The following FER1L5 variants were observed in gnomAD, a reference collection of about 807,000 sequenced individuals.
FER1L5 encodes the protein fer-1 like family member 5, also known as fer-1-like protein 5.
In FER1L5, 187 loss-of-function variants were observed where a neutral mutation model predicts 279.9. The observed-to-expected ratio is 0.67, with a 90% CI of 0.59 to 0.75. The LOEUF is 0.75. FER1L5 is among the 30% of genes least tolerant of loss of function. The pLI, the probability that FER1L5 is intolerant of heterozygous loss-of-function variation, is 0.00. For missense variants in FER1L5, 2,091 were observed against 2,594.4 expected (o/e 0.81, Z 4.21); for synonymous variants, 921 against 989.7 (o/e 0.93, Z 1.30).
At chr2:96,676,372 G>A (rs1289689524) in intron 19 of FER1L5, among the ~76,000 whole-genome samples, 1 of 152,084 alleles carries the variant, frequency 6.6e-6, no homozygotes, top group Non-Finnish European at 1.5e-5. Context: ...TCTCCATGTT[G>A]ATCAGGCTGG....
chr2:96,667,553 G>T (rs969261449), intron 14 of FER1L5, among the ~76,000 whole-genome samples: 2 of 151,932 alleles, frequency 1.3e-5, no homozygotes, highest in East Asian at 1.9e-4. Context: ...CTCCATGTTG[G>T]CCAGGCTGAT....
In FER1L5 at chr2:96,694,545, C is replaced by T; in HGVS notation, c.3741+81C>T. 8.8e-7 allele frequency: 1 copy of T among 1,137,802 alleles called. No individual in the cohort carries two copies. The highest frequency in any genetic ancestry group is 1.2e-6 in the Non-Finnish European group (1 of 833,218). 70.5% of individuals were successfully genotyped at this position (1,137,802 alleles called of 1,614,324 possible). A position where few individuals can be genotyped will look rare whatever the true frequency, so the allele number is the denominator to read the frequency against. On this transcript the variant is annotated intron_variant, in intron 34 of 52. Transcript: ENST00000624922. The surrounding 1 kb of genome is among the most constrained non-coding windows in gnomAD (Gnocchi z 4.6). ...TGCGCTGCAGCCTTCTGCTGGTCCT[C>T]CCTGACTACTGGATCCAAAGCTCAC...
rs768666581 is a variant in FER1L5, at chr2:96,642,829, TCTC to T, written c.-6_-4del. 6.5e-7 allele frequency: 1 copy of T among 1,550,130 alleles called. No individual in the cohort carries two copies. Among genetic ancestry groups the T allele is most frequent in the South Asian group, 1.2e-5 (1 of 83,848 alleles). On this transcript the variant is annotated 5_prime_UTR_variant, in exon 1 of 53. Coordinates refer to ENST00000624922, the MANE Select transcript of FER1L5 (RefSeq NM_001293083.2). ...GTAGGGAAGGAGGGAAGAAAGTAGG[TCTC>T]CGAGATGCTGCGGCTTGTGGTGCAG...
At chr2:96,697,047 C>T (rs1194693565) in intron 37 of FER1L5, among the ~76,000 whole-genome samples, 7 of 152,208 alleles carry the variant, frequency 4.6e-5, no homozygotes, top group Non-Finnish European at 2.9e-5. Flanking sequence ...TTTTAAAACT[C>T]CTGAGGCCTA....
chr2:96,692,988 C>T (rs1487210165), intron 31 of FER1L5, among the ~76,000 whole-genome samples: 8 of 151,988 alleles, frequency 5.3e-5, no homozygotes, highest in East Asian at 1.9e-4. Context: ...CCAGCCTGGC[C>T]AACATGGTGA....
rs921022205 is a variant in FER1L5 at position 96,689,569 on chromosome 2, G to A, written c.2526-75G>A. The A allele has an allele frequency of 3.9e-5, 57 of 1,450,350 alleles. No homozygotes were observed. Among genetic ancestry groups the A allele is most frequent in the Admixed American group, 7.9e-5 (4 of 50,854 alleles). 89.8% of individuals were successfully genotyped at this position (1,450,350 alleles called of 1,614,324 possible). ...GGGATGGGATGCCAGGTATGGGAAC[G>A]CTTGGCCAGCAGAAGACGGCCCTAG... On this transcript the variant is annotated intron_variant, in intron 25 of 52. Transcript: ENST00000624922. The surrounding 1 kb of genome is among the most constrained non-coding windows in gnomAD (Gnocchi z 4.6).
chr2:96,696,585 T>C (rs566868198), intron 37 of FER1L5, among the ~76,000 whole-genome samples: 8 of 151,728 alleles, frequency 5.3e-5, no homozygotes, highest in African/African-American at 1.7e-4. Flanking sequence ...TGAGCCACCA[T>C]GCCCGGCCTT....
Position 96,696,081 on chromosome 2 carries a change from A to G in FER1L5, c.4083+4A>G, listed in dbSNP as rs1475548567. ...GTCTGAGAAGAAGCACCAAGACGTAAGTAAGGGCTGCAGGCCCACCTTCTC... is the reference window on the plus strand; with the variant it reads ...GTCTGAGAAGAAGCACCAAGACGTAGGTAAGGGCTGCAGGCCCACCTTCTC... On this transcript the variant is annotated splice_donor_region_variant and intron_variant, in intron 37 of 52. Coordinates refer to ENST00000624922, the MANE Select transcript of FER1L5 (RefSeq NM_001293083.2). 6.2e-7 allele frequency: 1 copy of G among 1,613,808 alleles called. No individual in the cohort carries two copies. Among genetic ancestry groups the G allele is most frequent in the South Asian group, 1.1e-5 (1 of 91,066 alleles).
At position 96,698,870 on chromosome 2, in the gene FER1L5, C is replaced by T. The variant is rs199579392; in HGVS notation, c.4518+38C>T. 234 of 1,551,044 alleles carry T rather than the reference C, an allele frequency of 1.5e-4. No individual in the cohort carries two copies. Among genetic ancestry groups the T allele is most frequent in the African/African-American group, 4.7e-4 (34 of 73,104 alleles). On this transcript the variant is annotated intron_variant, in intron 41 of 52. Coordinates refer to ENST00000624922, the MANE Select transcript of FER1L5 (RefSeq NM_001293083.2). The surrounding 1 kb of genome is among the most constrained non-coding windows in gnomAD (Gnocchi z 5.5). The stretch of plus-strand genomic sequence containing the variant: ...ACCTGCCCCACACAGGTGCCCCGCA[C>T]GCTCCCCTCAACCCATCTCTGGGAG...
chr2:96,667,766 G>C (rs2076178056), intron 14 of FER1L5, among the ~76,000 whole-genome samples: 1 of 152,258 alleles, frequency 6.6e-6, no homozygotes, highest in Non-Finnish European at 1.5e-5. Context: ...TGTGCATTCA[G>C]ACTGCGAGGG....
In FER1L5 at chr2:96,698,144, A is replaced by G. The variant is rs1558927365; in HGVS notation, c.4344A>G (p.Val1448=). ...QEQPKLDSPV[V]GEFKGLFRIY... ...AGCCCAAGTTGGACAGCCCCGTGGT[A>G]GGGGAGTTCAAGGTGTGTGTCCACC... The change falls in exon 40 of 53, where the codon GTA becomes GTG. Residue 1448 remains valine, a synonymous_variant. Transcript: ENST00000624922. This position sits in a 1 kb window ranked among gnomAD's most constrained non-coding sequence, Gnocchi z 5.5. 6.4e-6 allele frequency: 10 copies of G among 1,564,352 alleles called. No individual in the cohort carries two copies. The highest frequency in any genetic ancestry group is 8.7e-6 in the Non-Finnish European group (10 of 1,154,374).
intron 39 of FER1L5, 70 bp from the exon 40 acceptor site, chr2:96,697,967 G>C: frequency 6.6e-7 from 1 of 1,518,092 alleles, no homozygotes; most frequent in Non-Finnish European, 8.9e-7. Context: ...AGACCTGGGA[G>C]CTGGTGGTCC....
chr2:96,693,968 C>T lies in FER1L5; in HGVS notation c.3532C>T (p.Gln1178Ter). 6.4e-7 allele frequency: 1 copy of T among 1,551,626 alleles called. No homozygotes were observed. Residue 1178 changes from glutamine to a stop codon, truncating the protein, a stop_gained, in exon 33 of 53, where the codon CAG (glutamine) becomes TAG (stop). Coordinates refer to ENST00000624922, the MANE Select transcript of FER1L5 (RefSeq NM_001293083.2). LOFTEE classifies it high-confidence loss of function. ...VWPPMVWLDL[Q>*]DRILPPMRWH... Reference sequence around the variant, plus strand: ...GCCCCCAATGGTCTGGCTGGATCTCCAGGACCGGATCCTGCCCCCCATGAG... The same window carrying T: ...GCCCCCAATGGTCTGGCTGGATCTCTAGGACCGGATCCTGCCCCCCATGAG...
chr2:96,661,851 G>A, intron 12 of FER1L5, 60 bp downstream of exon 12: 2 of 1,542,976 alleles, frequency 1.3e-6, no homozygotes, highest in Admixed American at 4.0e-5. Flanking sequence ...GTGATACCCT[G>A]GATCCTCATG....
At chr2:96,663,865 G>A (rs1013317845) in intron 14 of FER1L5, among the ~76,000 whole-genome samples, 7 of 151,956 alleles carry the variant, frequency 4.6e-5, no homozygotes, top group Middle Eastern at 3.2e-3. Flanking sequence ...CAACAGTGGC[G>A]AAACCAGACT....
chr2:96,702,023 C>T lies in FER1L5; in HGVS notation c.5139C>T (p.Ile1713=), dbSNP rs767865710. The T allele has an allele frequency of 5.6e-6, 9 of 1,613,928 alleles. No individual in the cohort carries two copies. The South Asian group carries it at 9.9e-5, about 18-fold the overall frequency. Residue 1713 remains isoleucine (I), a synonymous_variant, in exon 46 of 53, where the codon ATC becomes ATT. Coordinates refer to ENST00000624922, the MANE Select transcript of FER1L5 (RefSeq NM_001293083.2). The surrounding 1 kb of genome is among the most constrained non-coding windows in gnomAD (Gnocchi z 4.0). The part of the protein sequence containing the change: ...KLGPPGPQVN[I]NPRKPKRYEL... Reference sequence around the variant, plus strand: ...GGCCTCCTGGCCCCCAAGTCAACATCAACCCCAGAAAGCCTAAACGGTGAG... The same window carrying T: ...GGCCTCCTGGCCCCCAAGTCAACATTAACCCCAGAAAGCCTAAACGGTGAG...
At chr2:96,692,024 G>GA (rs1000536873) in intron 30 of FER1L5, 61 bp downstream of exon 30, 8 of 1,344,928 alleles carry the variant, frequency 5.9e-6, no homozygotes, top group South Asian at 1.3e-5. Context: ...GAGGGCGGGG[G>GA]GGGGGGACAG....
chr2:96,664,547 A>G (rs1030259338), intron 14 of FER1L5, among the ~76,000 whole-genome samples: 5 of 152,314 alleles, frequency 3.3e-5, no homozygotes, highest in African/African-American at 1.2e-4. Flanking sequence ...GTTGCTAAGT[A>G]ATATTCCATT....
At position 96,651,251 on chromosome 2, in the gene FER1L5, CTTTCTTTCT is replaced by C. The variant is rs1558840126; in HGVS notation, c.505-638_505-630del. ...TTTCTTTCTTTCTCTTTCTTTCTTT[CTTTCTTTCT>C]TTCTTTCTTTCTTTCTTTCTTTCTT... On this transcript the variant is annotated intron_variant, in intron 6 of 52. Transcript: ENST00000624922. Among the ~76,000 whole-genome samples the C allele has an allele frequency of 3.7e-4, 47 of 128,552 alleles. 1 individual carries two copies. Among genetic ancestry groups the C allele is most frequent in the Admixed American group, 2.2e-3 (29 of 13,046 alleles). 84.3% of individuals were successfully genotyped at this position (128,552 alleles called of 152,430 possible).
Sources: gnomAD v4.1 joint callset for allele counts (sites outside exome capture counted in the v4.1 genomes callset) on GRCh38, gnomAD v4.1.1 for gene constraint, Gnocchi (gnomAD v3.1) non-coding constraint, MANE v1.5 for transcripts, NCBI Gene and HGNC (gene_info 2026-07-23, HGNC 2026-07-21) for gene names.